The following MME variants were observed in gnomAD, a reference collection of about 807,000 sequenced individuals.
The protein encoded by MME is neprilysin.
A neutral mutation model predicts 113.2 loss-of-function variants in MME; 98 were observed. The ratio of observed to expected loss-of-function variants is 0.87; its 90% CI spans 0.74 to 1.02. MME has a LOEUF of 1.02. Among genes scored for constraint, MME ranks in the 50% least tolerant of loss-of-function variants. The pLI is 0.00. For synonymous variants in MME, 292 were observed against 300.6 expected (o/e 0.97, Z 0.30); for missense variants, 836 against 896.0 (o/e 0.93, Z 0.86).
At chr3:155,112,737 C>T in intron 3 of MME, 1 of 152,356 alleles carries the variant, frequency 6.6e-6, no homozygotes. Context: ...AGGCAATGAA[C>T]TGAGAACGGA....
At chr3:155,175,591 T>A (rs1712440999) in intron 22 of MME, among the ~76,000 whole-genome samples, 1 of 152,078 alleles carries the variant, frequency 6.6e-6, no homozygotes, top group African/African-American at 2.4e-5. Context: ...GGTCTGATAA[T>A]TTTGTAAAGC....
chr3:155,064,329 T>C (rs886074978), intron 1 of MME, among the ~76,000 whole-genome samples: 2 of 152,070 alleles, frequency 1.3e-5, no homozygotes, highest in African/African-American at 4.8e-5. Context: ...AATATATGTA[T>C]ATATGTAAGC....
intron 14 of MME, among the ~76,000 whole-genome samples, chr3:155,146,292 G>C (rs9874874): frequency 6.6e-6 from 1 of 152,036 alleles, no homozygotes; most frequent in South Asian, 2.1e-4. Flanking sequence ...TTGGGAGGCC[G>C]AGGCAGGCAG....
At chr3:155,166,573 A>G (rs2108361999) in intron 17 of MME, among the ~76,000 whole-genome samples, 1 of 152,350 alleles carries the variant, frequency 6.6e-6, no homozygotes. Context: ...CTTACAGCAC[A>G]AAACAATCTT....
chr3:155,095,636 T>A (rs910819864), intron 3 of MME, among the ~76,000 whole-genome samples: 11 of 152,084 alleles, frequency 7.2e-5, no homozygotes, highest in Non-Finnish European at 1.5e-4. Flanking sequence ...CGCCTCAGCC[T>A]CCCAAGCAGC....
intron 1 of MME, among the ~76,000 whole-genome samples, chr3:155,035,629 A>T (rs1713103506): frequency 6.7e-6 from 1 of 150,190 alleles, no homozygotes; most frequent in African/African-American, 2.5e-5. Flanking sequence ...CTGTGTAGAT[A>T]TATGGGGGGC....
intron 8 of MME, among the ~76,000 whole-genome samples, chr3:155,126,812 C>A (rs1266359455): frequency 1.3e-5 from 2 of 151,932 alleles, no homozygotes; most frequent in Non-Finnish European, 2.9e-5. Flanking sequence ...CCAGCCTGAC[C>A]ACCATGGAGA....
At chr3:155,041,640 T>G (rs1713323073) in intron 1 of MME, among the ~76,000 whole-genome samples, 1 of 152,186 alleles carries the variant, frequency 6.6e-6, no homozygotes, top group African/African-American at 2.4e-5. Flanking sequence ...GAGCATAGCA[T>G]CTTACCCAAA....
At chr3:155,158,959 C>T (rs1303608635) in intron 16 of MME, 1 of 151,948 alleles carries the variant, frequency 6.6e-6, no homozygotes, top group Non-Finnish European at 1.5e-5. Flanking sequence ...AATCATTCTT[C>T]CCCATCTCCA....
chr3:155,106,851 A>G (rs1245865512), intron 3 of MME, among the ~76,000 whole-genome samples: 1 of 152,228 alleles, frequency 6.6e-6, no homozygotes, highest in Non-Finnish European at 1.5e-5. Flanking sequence ...ACAAAAGAGC[A>G]TTTGCTCCTG....
intron 1 of MME, among the ~76,000 whole-genome samples, chr3:155,082,946 C>T (rs1197508335): frequency 6.6e-6 from 1 of 152,188 alleles, no homozygotes; most frequent in Admixed American, 6.5e-5. Context: ...GCCGCCACTT[C>T]ATCCTGGGAC....
chr3:155,154,357 G>A (rs996106119), intron 16 of MME, among the ~76,000 whole-genome samples: 10 of 152,174 alleles, frequency 6.6e-5, no homozygotes, highest in Admixed American at 1.3e-4. Flanking sequence ...AAGTGACACT[G>A]TAGTTTTGCC....
At chr3:155,162,938 A>G (rs564009229) in intron 17 of MME, among the ~76,000 whole-genome samples, 107 of 149,854 alleles carry the variant, frequency 7.1e-4, no homozygotes, top group African/African-American at 2.4e-3. Context: ...GCTTGAACCC[A>G]GGAGGCAGAG....
chr3:155,054,320 C>T (rs1713856099), intron 1 of MME, among the ~76,000 whole-genome samples: 1 of 145,728 alleles, frequency 6.9e-6, no homozygotes, highest in African/African-American at 2.8e-5. Flanking sequence ...CTATTAAGAC[C>T]TTCTGTTTGC....
intron 1 of MME, among the ~76,000 whole-genome samples, chr3:155,048,064 T>G (rs1713626750): frequency 6.6e-6 from 1 of 152,134 alleles, no homozygotes; most frequent in South Asian, 2.1e-4. Flanking sequence ...AAGCAAGAGA[T>G]TTGTGCATGG....
At chr3:155,144,318 A>C (rs201530486) in intron 13 of MME, 41 bp from the exon 14 acceptor site, 7 of 1,295,928 alleles carry the variant, frequency 5.4e-6, no homozygotes, top group Non-Finnish European at 6.7e-6. Context: ...GTTACAAAGA[A>C]TGAATTAATG....
At chr3:155,026,052 G>A (rs1365502981) in intron 1 of MME, among the ~76,000 whole-genome samples, 1 of 152,080 alleles carries the variant, frequency 6.6e-6, no homozygotes, top group Non-Finnish European at 1.5e-5. Context: ...TACAGATTCT[G>A]CCCCTCTTTT....
chr3:155,090,588 C>T (rs939191058), intron 3 of MME: 12 of 152,154 alleles, frequency 7.9e-5, no homozygotes, highest in African/African-American at 2.7e-4. Flanking sequence ...CATCATCCTG[C>T]AACAGTTGAT....
chr3:155,178,011 C>A (rs1415723027), intron 22 of MME, among the ~76,000 whole-genome samples: 1 of 152,130 alleles, frequency 6.6e-6, no homozygotes, highest in Non-Finnish European at 1.5e-5. Context: ...CTCCAACAAC[C>A]ACACGCCATG....
Sources: allele counts gnomAD v4.1 joint callset (sites outside exome capture counted in the v4.1 genomes callset), GRCh38; gene constraint gnomAD v4.1.1; transcripts MANE v1.5; gene names NCBI Gene and HGNC (gene_info 2026-07-23, HGNC 2026-07-21).